The following HTT variants were observed in gnomAD, a reference collection of about 807,000 sequenced individuals.
HTT encodes the protein huntingtin.
In HTT, 104 loss-of-function variants were observed where a neutral mutation model predicts 362.3. The ratio of observed to expected loss-of-function variants is 0.29; its 90% confidence interval spans 0.24 to 0.34. HTT has a LOEUF of 0.34. HTT is among the 10% of genes least tolerant of loss of function. HTT has a pLI of 1.00. For missense variants in HTT, 3,301 were observed against 3,928.6 expected (o/e 0.84, Z 4.27); for synonymous variants, 1,577 against 1,548.7 (o/e 1.02, Z -0.43).
chr4:3,081,641 C>G (rs1366556044), intron 1 of HTT, among the ~76,000 whole-genome samples: 7 of 149,684 alleles, frequency 4.7e-5, no homozygotes, highest in Non-Finnish European at 7.4e-5. Context: ...TCACTGCAAC[C>G]TCTGCCTCCC....
At chr4:3,101,167 G>A (rs986389263) in intron 3 of HTT, among the ~76,000 whole-genome samples, 2 of 152,190 alleles carry the variant, frequency 1.3e-5, no homozygotes, top group African/African-American at 4.8e-5. Context: ...TCTAATATTG[G>A]TCATTTAATG....
chr4:3,224,263 G>A lies in HTT; in HGVS notation c.7765+132G>A, dbSNP rs145941455. 2,955 of 879,284 alleles carry A rather than the reference G, an allele frequency of 3.4e-3. 31 individuals are homozygous for A. Among genetic ancestry groups the A allele is most frequent in the Middle Eastern group, 0.028 (78 of 2,836 alleles). The allele number at this position is 879,284 out of a possible 1,614,324, so 54.5% of individuals were successfully genotyped here. A position where few individuals can be genotyped will look rare whatever the true frequency, so the allele number is the denominator to read the frequency against. On this transcript the variant is annotated intron_variant, in intron 56 of 66. Transcript: ENST00000355072. ...AGTTGGAGGCTGTGGTGCTAAATAC[G>A]CTGCCCCTTTCATAAGCAGGAGTCT...
intron 20 of HTT, 99 bp downstream of exon 20, chr4:3,136,066 G>A (rs1716051216): frequency 1.0e-6 from 1 of 966,146 alleles, no homozygotes; most frequent in Non-Finnish European, 1.6e-6. Flanking sequence ...TCATGTTTTA[G>A]ATGTTTATTT....
At chr4:3,101,006 G>A (rs1714125438) in intron 3 of HTT, among the ~76,000 whole-genome samples, 1 of 152,236 alleles carries the variant, frequency 6.6e-6, no homozygotes, top group Non-Finnish European at 1.5e-5. Context: ...TGGGATCACA[G>A]GTGTGAGCCA....
At chr4:3,075,656 G>C (rs879677039) in intron 1 of HTT, among the ~76,000 whole-genome samples, 1 of 139,718 alleles carries the variant, frequency 7.2e-6, no homozygotes, top group African/African-American at 2.6e-5. Flanking sequence ...GCAGGGGGGG[G>C]GCGGGGAGTG....
At chr4:3,116,040 A>T in intron 7 of HTT, 45 bp from the exon 8 acceptor site, 1 of 1,546,560 alleles carries the variant, frequency 6.5e-7, no homozygotes, top group Non-Finnish European at 8.9e-7. Flanking sequence ...GGGAATCTCC[A>T]AACAGTGAGT....
chr4:3,124,347 C>T (rs901271589), intron 10 of HTT, among the ~76,000 whole-genome samples: 1 of 152,158 alleles, frequency 6.6e-6, no homozygotes, highest in Non-Finnish European at 1.5e-5. Context: ...TATCCTGTCT[C>T]TTTTAAGCCT....
At chr4:3,113,966 A>G (rs921069918) in intron 6 of HTT, among the ~76,000 whole-genome samples, 1 of 152,162 alleles carries the variant, frequency 6.6e-6, no homozygotes, top group Non-Finnish European at 1.5e-5. Context: ...ACACAGAAAT[A>G]TAGAGGTGTG....
chr4:3,107,543 T>TAA, intron 6 of HTT, 120 bp downstream of exon 6: 1 of 870,282 alleles, frequency 1.1e-6, no homozygotes, highest in Non-Finnish European at 1.8e-6. Context: ...TTGTATGTCG[T>TAA]AATTTAGACT....
At chr4:3,142,674 T>A (rs1716405718) in intron 22 of HTT, 92 bp from the exon 23 acceptor site, 5 of 656,164 alleles carry the variant, frequency 7.6e-6, no homozygotes, top group Admixed American at 3.1e-5. Flanking sequence ...TAACTTTTTT[T>A]AATCTTTAAT....
At chr4:3,114,867 C>T (rs1241018510) in intron 6 of HTT, among the ~76,000 whole-genome samples, 2 of 152,172 alleles carry the variant, frequency 1.3e-5, no homozygotes, top group African/African-American at 4.8e-5. Context: ...TATTTCCGAT[C>T]GAAGATGTTC....
Position 3,240,141 on chromosome 4 carries a change from G to C in HTT, c.*82G>C, listed in dbSNP as rs917009961. 1 of 1,228,056 alleles carries C rather than the reference G, an allele frequency of 8.1e-7. No homozygotes were observed. Among genetic ancestry groups the C allele is most frequent in the Non-Finnish European group, 1.2e-6 (1 of 867,112 alleles). The allele number at this position is 1,228,056 out of a possible 1,614,324, so 76.1% of individuals were successfully genotyped here. A position where few individuals can be genotyped will look rare whatever the true frequency, so the allele number is the denominator to read the frequency against. On this transcript the variant is annotated 3_prime_UTR_variant, in exon 67 of 67. Coordinates refer to ENST00000355072, the MANE Select transcript of HTT (RefSeq NM_001388492.1). ...TGCGCCCTTGTGCCCTGCCTCCACC[G>C]AGCCAGCTTGGTCCCTATGGGCTTC...
intron 3 of HTT, among the ~76,000 whole-genome samples, chr4:3,103,075 G>A (rs1714236892): frequency 6.6e-6 from 1 of 151,904 alleles, no homozygotes; most frequent in African/African-American, 2.4e-5. Flanking sequence ...TGGTTTATAA[G>A]TACACCCACA....
chr4:3,101,928 C>T (rs916170), intron 3 of HTT, among the ~76,000 whole-genome samples: 91 of 152,268 alleles, frequency 6.0e-4, no homozygotes, highest in Admixed American at 8.5e-4. Flanking sequence ...TAATCATCAC[C>T]GCCTCTTGTC....
At chr4:3,101,563 G>C (rs772492712) in intron 3 of HTT, among the ~76,000 whole-genome samples, 2 of 152,228 alleles carry the variant, frequency 1.3e-5, no homozygotes, top group Non-Finnish European at 2.9e-5. Flanking sequence ...GCATGGTCAC[G>C]TAGCCTTCAG....
intron 6 of HTT, 61 bp from the exon 7 acceptor site, chr4:3,115,243 A>C: frequency 6.6e-7 from 1 of 1,505,906 alleles, no homozygotes; most frequent in Non-Finnish European, 9.1e-7. Flanking sequence ...AGTTTTATGT[A>C]ATACATGATA....
chr4:3,198,047 A>G (rs1040253828), intron 40 of HTT, among the ~76,000 whole-genome samples: 3 of 152,070 alleles, frequency 2.0e-5, no homozygotes, highest in African/African-American at 7.2e-5. Context: ...AGCCAGAGAC[A>G]AGGCATTAGA....
chr4:3,113,997 C>T (rs1184563767), intron 6 of HTT, among the ~76,000 whole-genome samples: 5 of 152,158 alleles, frequency 3.3e-5, no homozygotes, highest in Non-Finnish European at 7.4e-5. Context: ...TCAGGGGTCT[C>T]ACAGCCTTTA....
rs1435483565 is a variant in HTT, at chr4:3,209,545, GCAAAGGGGCC to G, written c.6292-281_6292-272del. Among the ~76,000 whole-genome samples, 2 of 152,202 alleles carry G rather than the reference GCAAAGGGGCC, an allele frequency of 1.3e-5. 1 individual carries two copies. Among genetic ancestry groups the G allele is most frequent in the African/African-American group, 4.8e-5 (2 of 41,450 alleles). ...AAAGCAGACAACCCAGGAGAGGATGGCAAAGGGGCCGCTAACCCTTAGTGGTTTAGCTATA... is the reference window on the plus strand; with the variant it reads ...AAAGCAGACAACCCAGGAGAGGATGGGCTAACCCTTAGTGGTTTAGCTATA... On this transcript the variant is annotated intron_variant, in intron 46 of 66. Coordinates refer to ENST00000355072, the MANE Select transcript of HTT (RefSeq NM_001388492.1).
Sources: gnomAD v4.1 joint callset for allele counts (sites outside exome capture counted in the v4.1 genomes callset) on GRCh38, gnomAD v4.1.1 for gene constraint, MANE v1.5 for transcripts, NCBI Gene and HGNC (gene_info 2026-07-23, HGNC 2026-07-21) for gene names.